Variants in CFAP44 observed in about 807,000 individuals in gnomAD.
CFAP44 encodes cilia- and flagella-associated protein 44.
A neutral mutation model predicts 216.2 loss-of-function variants in CFAP44; 134 were observed. That is an observed-to-expected ratio of 0.62 (90% confidence interval 0.54 to 0.72). The LOEUF (loss-of-function observed/expected upper bound fraction) is 0.72, where lower values mean the gene tolerates loss of function less well. Ranked by LOEUF, CFAP44 falls within the 30% of genes least tolerant of loss-of-function variation. The pLI is 0.00. For missense variants in CFAP44, 2,035 were observed against 2,182.1 expected (o/e 0.93, Z 1.34); for synonymous variants, 700 against 727.6 (o/e 0.96, Z 0.61).
intron 6 of CFAP44, among the ~76,000 whole-genome samples, chr3:113,414,584 TG>T: frequency 6.6e-6 from 1 of 152,336 alleles, no homozygotes; most frequent in African/African-American, 2.4e-5. Flanking sequence ...TGTTAAATTT[TG>T]TTGAAGGCCT....
chr3:113,339,120 C>G (rs1950307957), intron 24 of CFAP44, among the ~76,000 whole-genome samples: 1 of 152,162 alleles, frequency 6.6e-6, no homozygotes, highest in African/African-American at 2.4e-5. Flanking sequence ...ATTCCAACTG[C>G]TGAATGGTAT....
Position 113,358,875 on chromosome 3 carries a change from C to T in CFAP44, c.2935G>A (p.Asp979Asn). The T allele has an allele frequency of 6.5e-7, 1 of 1,535,718 alleles. No individual in the cohort carries two copies. Among genetic ancestry groups the T allele is most frequent in the East Asian group, 2.4e-5 (1 of 40,832 alleles). ...CGGATTTGGGAATCTACATCAAAAT[C>T]CTGCAGATAAGAAGATCTGTTCATC... ...LPKHMQFKRT[D>N]FDVDSQIRAE... Residue 979 changes from aspartate (D) to asparagine (N), a missense_variant and splice_region_variant, in exon 22 of 35, where the codon GAT becomes AAT. Asp to Asn is a conservative substitution (Grantham distance 23, BLOSUM62 1). Coordinates refer to ENST00000393845, the MANE Select transcript of CFAP44 (RefSeq NM_001164496.2).
At chr3:113,391,520 C>T (rs534675924) in intron 15 of CFAP44, among the ~76,000 whole-genome samples, 1 of 152,194 alleles carries the variant, frequency 6.6e-6, no homozygotes, top group South Asian at 2.1e-4. Context: ...AAACCTTCTG[C>T]GCAGCAAAGG....
In CFAP44 at chr3:113,291,458, G is replaced by T; in HGVS notation, c.*99C>A. ...GATCTGGTTTTACACTTTCAGGCGA[G>T]TTCAGTTTAAAGTAATAAGATTGTT... On this transcript the variant is annotated 3_prime_UTR_variant, in exon 35 of 35. Coordinates refer to ENST00000393845, the MANE Select transcript of CFAP44 (RefSeq NM_001164496.2). 1 of 1,351,368 alleles carries T rather than the reference G, an allele frequency of 7.4e-7. No individual in the cohort carries two copies. The highest frequency in any genetic ancestry group is 9.9e-7 in the Non-Finnish European group (1 of 1,007,458). 83.7% of individuals were successfully genotyped at this position (1,351,368 alleles called of 1,614,324 possible).
At chr3:113,411,648 C>G (rs971112232) in intron 6 of CFAP44, among the ~76,000 whole-genome samples, 2 of 152,130 alleles carry the variant, frequency 1.3e-5, no homozygotes, top group African/African-American at 2.4e-5. Flanking sequence ...TCCATATGAA[C>G]TTTAAGGTAG....
At chr3:113,357,108 A>G (rs1302796687) in intron 22 of CFAP44, among the ~76,000 whole-genome samples, 2 of 152,188 alleles carry the variant, frequency 1.3e-5, no homozygotes, top group Non-Finnish European at 2.9e-5. Flanking sequence ...TGATTGGTAC[A>G]TATATGAAAA....
chr3:113,398,853 C>T (rs1397509938), intron 13 of CFAP44, among the ~76,000 whole-genome samples: 1 of 152,168 alleles, frequency 6.6e-6, no homozygotes, highest in Non-Finnish European at 1.5e-5. Context: ...TGATGGGCCT[C>T]CCATGGACAG....
In CFAP44 at chr3:113,330,618, G is replaced by A; in HGVS notation, c.3666C>T (p.Asp1222=). 1 of 1,536,774 alleles carries A rather than the reference G, an allele frequency of 6.5e-7. No individual in the cohort carries two copies. Among genetic ancestry groups the A allele is most frequent in the Middle Eastern group, 1.7e-4 (1 of 5,986 alleles). ...TTTCCTCAACAACAGCCACTTTAAGGTCTCTAAGAGAGAGAATGCACTTGT... is the reference window on the plus strand; with the variant it reads ...TTTCCTCAACAACAGCCACTTTAAGATCTCTAAGAGAGAGAATGCACTTGT... ...HMNKCILSLR[D]LKVAVVEEIQ... The change falls in exon 26 of 35, where the codon GAC becomes GAT. Residue 1222 remains aspartate (D), a synonymous_variant. Transcript: ENST00000393845.
chr3:113,408,813 A>C (rs1934364810), intron 7 of CFAP44, among the ~76,000 whole-genome samples: 1 of 149,358 alleles, frequency 6.7e-6, no homozygotes, highest in African/African-American at 2.5e-5. Context: ...CAGTGAGCTG[A>C]GATCATGCCA....
intron 2 of CFAP44, among the ~76,000 whole-genome samples, chr3:113,430,428 TG>T (rs1935075105): frequency 2.5e-5 from 1 of 40,216 alleles, no homozygotes. Flanking sequence ...GAAAAATAAA[TG>T]AAAAAAAAAA....
At chr3:113,362,806 T>C in intron 21 of CFAP44, 1 of 959,186 alleles carries the variant, frequency 1.0e-6, no homozygotes, top group Non-Finnish European at 1.3e-6. Flanking sequence ...GGCCAATTTT[T>C]GTTTATACTT....
chr3:113,361,959 A>G (rs1950545452), intron 21 of CFAP44, among the ~76,000 whole-genome samples: 1 of 151,930 alleles, frequency 6.6e-6, no homozygotes, highest in Non-Finnish European at 1.5e-5. Context: ...GTGTTATAAG[A>G]TTAAATGCCT....
intron 32 of CFAP44, among the ~76,000 whole-genome samples, chr3:113,299,228 T>A (rs770459232): frequency 3.3e-5 from 5 of 152,152 alleles, no homozygotes; most frequent in Non-Finnish European, 5.9e-5. Flanking sequence ...AAATATCTAC[T>A]AATCCAATTT....
chr3:113,359,254 T>A (rs539851235), intron 21 of CFAP44, among the ~76,000 whole-genome samples: 13 of 152,320 alleles, frequency 8.5e-5, no homozygotes, highest in African/African-American at 3.1e-4. Context: ...CCCCCTGGTG[T>A]GACCCCACCC....
intron 32 of CFAP44, among the ~76,000 whole-genome samples, chr3:113,302,772 CAAAA>C (rs57355375): frequency 6.7e-5 from 3 of 44,514 alleles, no homozygotes; most frequent in African/African-American, 8.3e-5. Context: ...GACTCCATCT[CAAAA>C]AAAAAAAAAA....
chr3:113,346,132 T>G (rs1950379271), intron 22 of CFAP44, among the ~76,000 whole-genome samples: 1 of 152,150 alleles, frequency 6.6e-6, no homozygotes, highest in African/African-American at 2.4e-5. Flanking sequence ...AGCTAAAGGA[T>G]TGTAAATGCA....
intron 3 of CFAP44, 81 bp downstream of exon 3, chr3:113,427,106 A>G: frequency 2.1e-6 from 3 of 1,440,828 alleles, no homozygotes; most frequent in Non-Finnish European, 2.9e-6. Context: ...TTTTCTTTCT[A>G]TGGATTTATA....
chr3:113,400,079 A>G (rs1224970749), intron 12 of CFAP44, 79 bp from the exon 13 acceptor site: 7 of 898,420 alleles, frequency 7.8e-6, no homozygotes, highest in Non-Finnish European at 1.1e-5. Context: ...TACATGTTGA[A>G]TATTATAACA....
chr3:113,307,783 C>T (rs1432106617), intron 29 of CFAP44, among the ~76,000 whole-genome samples: 1 of 152,246 alleles, frequency 6.6e-6, no homozygotes, highest in East Asian at 1.9e-4. Context: ...TCCTGGCTAA[C>T]ACGGTGAAAC....
Sources: gnomAD v4.1 joint callset for allele counts (sites outside exome capture counted in the v4.1 genomes callset) on GRCh38, gnomAD v4.1.1 for gene constraint, MANE v1.5 for transcripts, NCBI Gene and HGNC (gene_info 2026-07-23, HGNC 2026-07-21) for gene names.